MAP3K1: variants seen among roughly 807,000 people sequenced by gnomAD.
The protein encoded by MAP3K1 is MAP/ERK kinase kinase 1.
A neutral mutation model predicts 144.2 loss-of-function variants in MAP3K1; 36 were observed. The observed-to-expected ratio is 0.25, with a 90% CI of 0.19 to 0.33. The LOEUF (loss-of-function observed/expected upper bound fraction) is 0.33, where lower values mean the gene tolerates loss of function less well. Among genes scored for constraint, MAP3K1 ranks in the 10% least tolerant of loss-of-function variants. The pLI, the probability that MAP3K1 is intolerant of heterozygous loss-of-function variation, is 1.00. For missense variants in MAP3K1, 1,650 were observed against 1,881.9 expected (o/e 0.88, Z 2.28); for synonymous variants, 718 against 688.7 (o/e 1.04, Z -0.67).
chr5:56,835,371 G>T (rs28711318), intron 1 of MAP3K1, among the ~76,000 whole-genome samples: 65 of 131,574 alleles, frequency 4.9e-4, no homozygotes, highest in African/African-American at 2.0e-3. Context: ...CAGGGAAGAG[G>T]AGACAGGAAG....
At chr5:56,848,125 T>C (rs949129684) in intron 1 of MAP3K1, among the ~76,000 whole-genome samples, 1 of 152,190 alleles carries the variant, frequency 6.6e-6, no homozygotes, top group Non-Finnish European at 1.5e-5. Flanking sequence ...GATACAGAGT[T>C]GCCACTTTTA....
intron 2 of MAP3K1, 143 bp from the exon 3 acceptor site, chr5:56,859,572 A>G: frequency 3.2e-6 from 2 of 633,626 alleles, no homozygotes. Flanking sequence ...TAAAGTAATA[A>G]TAAAAGTTGA....
intron 1 of MAP3K1, among the ~76,000 whole-genome samples, chr5:56,854,872 G>C (rs1185906846): frequency 6.6e-6 from 1 of 152,164 alleles, no homozygotes; most frequent in Non-Finnish European, 1.5e-5. Context: ...TCCACTGTGA[G>C]GCTTATTTTT....
intron 1 of MAP3K1, chr5:56,820,887 G>A (rs1167334494): frequency 3.1e-6 from 2 of 652,690 alleles, no homozygotes; most frequent in African/African-American, 2.0e-5. Flanking sequence ...ATACAGAGGG[G>A]ATACAACATA....
intron 3 of MAP3K1, among the ~76,000 whole-genome samples, chr5:56,863,370 A>C (rs1329776655): frequency 6.6e-6 from 1 of 152,234 alleles, no homozygotes; most frequent in East Asian, 1.9e-4. Context: ...TAATTTGCCT[A>C]TTCTGGACAT....
In MAP3K1 at chr5:56,865,900, C is replaced by T; in HGVS notation, c.1224C>T (p.Ile408=). The change falls in exon 6 of 20, where the codon ATC becomes ATT. Residue 408 remains isoleucine (I), a synonymous_variant. Coordinates refer to ENST00000399503, the MANE Select transcript of MAP3K1 (RefSeq NM_005921.2). The part of the protein sequence containing the change: ...SRIKAPSRNT[I]QKFVSRMSNS... ...TCAAAGCTCCATCTCGTAACACCAT[C>T]CAGAAGTTTGTTTCACGCATGTCAA... 3 of 1,613,458 alleles carry T rather than the reference C, an allele frequency of 1.9e-6. No homozygotes were observed. Among genetic ancestry groups the T allele is most frequent in the Non-Finnish European group, 2.5e-6 (3 of 1,179,430 alleles).
Position 56,815,942 on chromosome 5 carries a change from C to T in MAP3K1, c.369C>T (p.His123=), listed in dbSNP as rs566870058. ...GAGCCGCGAGCCGCGGCGGCGCCCA[C>T]CTTACCGAGTCGGTGGCGGCGCCGG... ...PHGAASRGGA[H]LTESVAAPDS... is the part of the protein sequence containing the mutation. Residue 123 remains histidine, a synonymous_variant, in exon 1 of 20, where the codon CAC becomes CAT. Coordinates refer to ENST00000399503, the MANE Select transcript of MAP3K1 (RefSeq NM_005921.2). 6 of 1,263,016 alleles carry T rather than the reference C, an allele frequency of 4.8e-6. No homozygotes were observed. The highest frequency in any genetic ancestry group is 6.1e-4 in the Middle Eastern group (2 of 3,254). The allele number at this position is 1,263,016 out of a possible 1,614,324, so 78.2% of individuals were successfully genotyped here.
intron 19 of MAP3K1, among the ~76,000 whole-genome samples, chr5:56,891,230 T>C (rs1002448985): frequency 1.3e-5 from 2 of 151,686 alleles, no homozygotes; most frequent in African/African-American, 4.8e-5. Context: ...TTTTTTGTTT[T>C]GTATTTTTCC....
intron 1 of MAP3K1, among the ~76,000 whole-genome samples, chr5:56,854,427 C>T (rs1174706624): frequency 1.8e-5 from 1 of 56,684 alleles, no homozygotes; most frequent in Non-Finnish European, 3.3e-5. Context: ...AGCTAAACTC[C>T]ATCTCAAAAA....
At chr5:56,861,586 A>T (rs1303395996) in intron 3 of MAP3K1, among the ~76,000 whole-genome samples, 6 of 78,336 alleles carry the variant, frequency 7.7e-5, no homozygotes, top group Non-Finnish European at 1.8e-4. Flanking sequence ...AAAAAAAAAA[A>T]AAAAGGGGCT....
At chr5:56,874,920 A>G in intron 9 of MAP3K1, 112 bp from the exon 10 acceptor site, 1 of 1,109,384 alleles carries the variant, frequency 9.0e-7, no homozygotes, top group Admixed American at 1.7e-5. Flanking sequence ...GATGGTAAAG[A>G]TTTCAGAAAT....
intron 6 of MAP3K1, among the ~76,000 whole-genome samples, chr5:56,870,485 A>G (rs1012767088): frequency 3.3e-5 from 5 of 152,232 alleles, no homozygotes; most frequent in Admixed American, 1.3e-4. Context: ...ACTGTTAACT[A>G]TTTCATACAA....
intron 1 of MAP3K1, among the ~76,000 whole-genome samples, chr5:56,850,316 TC>T (rs1194285359): frequency 1.3e-5 from 2 of 152,194 alleles, no homozygotes; most frequent in African/African-American, 4.8e-5. Flanking sequence ...TTTCTAGGGT[TC>T]CTTGAAGTTC....
chr5:56,869,667 A>ATT (rs1747792726), intron 6 of MAP3K1, among the ~76,000 whole-genome samples: 1 of 152,344 alleles, frequency 6.6e-6, no homozygotes, highest in Non-Finnish European at 1.5e-5. Flanking sequence ...TCAGAGAAGT[A>ATT]TTTAATAAGT....
intron 9 of MAP3K1, among the ~76,000 whole-genome samples, chr5:56,874,741 A>G (rs1747968583): frequency 6.6e-6 from 1 of 152,194 alleles, no homozygotes; most frequent in Non-Finnish European, 1.5e-5. Context: ...CATGTGGGAC[A>G]GTAGAGGCAT....
At position 56,893,803 on chromosome 5, in the gene MAP3K1, G is replaced by T; in HGVS notation, c.*123G>T. The T allele has an allele frequency of 9.6e-7, 1 of 1,044,134 alleles. No individual in the cohort carries two copies. Among genetic ancestry groups the T allele is most frequent in the East Asian group, 2.6e-5 (1 of 38,850 alleles). 64.7% of individuals were successfully genotyped at this position (1,044,134 alleles called of 1,614,324 possible). A position where few individuals can be genotyped will look rare whatever the true frequency, so the allele number is the denominator to read the frequency against. On this transcript the variant is annotated 3_prime_UTR_variant, in exon 20 of 20. Coordinates refer to ENST00000399503, the MANE Select transcript of MAP3K1 (RefSeq NM_005921.2). ...CTGAACAGCTATGAACGAGGCCAGTGGGGAACCCTTACCTAAGTATGTGAT... is the reference window on the plus strand; with the variant it reads ...CTGAACAGCTATGAACGAGGCCAGTTGGGAACCCTTACCTAAGTATGTGAT...
intron 1 of MAP3K1, among the ~76,000 whole-genome samples, chr5:56,849,734 C>T (rs1747110883): frequency 6.8e-6 from 1 of 147,410 alleles, no homozygotes; most frequent in African/African-American, 2.4e-5. Flanking sequence ...TAGAATTGTC[C>T]TAGTATTGAG....
chr5:56,815,578 CG>C lies in MAP3K1; in HGVS notation c.7del (p.Ala3ArgfsTer182). 7.7e-7 allele frequency: 1 copy of C among 1,293,412 alleles called. No homozygotes were observed. The highest frequency in any genetic ancestry group is 3.0e-4 in the Middle Eastern group (1 of 3,380). 80.1% of individuals were successfully genotyped at this position (1,293,412 alleles called of 1,614,324 possible). On this transcript the variant is annotated frameshift_variant, in exon 1 of 20. Transcript: ENST00000399503. LOFTEE classifies it high-confidence loss of function. MAAAAGNRASSS... is the reference protein window; with the variant it reads MXAAAGNRASSS... ...GAATGTAGCCCGCGAGAGAAAATGG[CG>C]GCGGCGGCGGGGAATCGCGCCTCGT...
At position 56,863,433 on chromosome 5, in the gene MAP3K1, A is replaced by C. The variant is rs542637526; in HGVS notation, c.835-1301A>C. ...TGATCTTTTATGACTGGCTTCTTTC[A>C]CTTAGTATCATATTTTCAAGGTTCA... On this transcript the variant is annotated intron_variant, in intron 3 of 19. Coordinates refer to ENST00000399503, the MANE Select transcript of MAP3K1 (RefSeq NM_005921.2). Among the ~76,000 whole-genome samples the C allele has an allele frequency of 8.5e-5, 13 of 152,248 alleles. No individual in the cohort carries two copies. In the East Asian group the frequency reaches 2.3e-3, roughly 27 times the overall value.
Sources: allele counts gnomAD v4.1 joint callset (sites outside exome capture counted in the v4.1 genomes callset), GRCh38; gene constraint gnomAD v4.1.1; transcripts MANE v1.5; gene names NCBI Gene and HGNC (gene_info 2026-07-23, HGNC 2026-07-21).